Variants in MOB1B observed in about 807,000 individuals in gnomAD.
The protein encoded by MOB1B is MOB kinase activator 1B.
In MOB1B, 19 loss-of-function variants were observed where a neutral mutation model predicts 24.4. The observed-to-expected ratio is 0.78, with a 90% CI of 0.54 to 1.14. MOB1B has a LOEUF of 1.14. MOB1B is among the 50% of genes most tolerant of loss of function. The probability of loss-of-function intolerance (pLI) is 0.00; values close to 1 mark genes in which losing one functional copy is unlikely to be tolerated. For synonymous variants in MOB1B, 76 were observed against 82.1 expected (o/e 0.93, Z 0.40); for missense variants, 243 against 259.6 (o/e 0.94, Z 0.44).
At chr4:70,914,684 C>A (rs1425369927) in intron 1 of MOB1B, among the ~76,000 whole-genome samples, 1 of 152,202 alleles carries the variant, frequency 6.6e-6, no homozygotes, top group Admixed American at 6.5e-5. Context: ...TTCATTCTAG[C>A]CTTCTCCTTT....
intron 2 of MOB1B, among the ~76,000 whole-genome samples, chr4:70,965,952 A>G (rs569998677): frequency 1.3e-5 from 2 of 152,140 alleles, no homozygotes; most frequent in East Asian, 3.9e-4. Context: ...AATCTGAATA[A>G]TCTTATAACT....
intron 1 of MOB1B, chr4:70,942,678 G>C (rs1737398456): frequency 6.4e-6 from 1 of 156,400 alleles, no homozygotes; most frequent in South Asian, 2.0e-4. Context: ...GAAGCTCATA[G>C]ACATTTAAAG....
intron 1 of MOB1B, among the ~76,000 whole-genome samples, chr4:70,939,587 C>T (rs553152770): frequency 6.6e-6 from 1 of 152,320 alleles, no homozygotes; most frequent in East Asian, 1.9e-4. Context: ...GAGGCTGAGG[C>T]TGGGAGGATC....
Position 70,912,333 on chromosome 4 carries a change from G to A in MOB1B, c.14+9783G>A, listed in dbSNP as rs142949817. Reference sequence around the variant, plus strand: ...CTCACTCTGTCTCCCAGGCTGGAGTGCAGTGGTGCGATCTCTGCTCACTGC... The same window carrying A: ...CTCACTCTGTCTCCCAGGCTGGAGTACAGTGGTGCGATCTCTGCTCACTGC... On this transcript the variant is annotated intron_variant, in intron 1 of 5. Coordinates refer to ENST00000309395, the MANE Select transcript of MOB1B (RefSeq NM_173468.4). Among the ~76,000 whole-genome samples the A allele has an allele frequency of 7.5e-3, 1,131 of 150,774 alleles. 13 individuals are homozygous for A. Among genetic ancestry groups the A allele is most frequent in the African/African-American group, 0.027 (1,093 of 40,992 alleles).
At chr4:70,941,094 A>T (rs946073904) in intron 1 of MOB1B, among the ~76,000 whole-genome samples, 1 of 151,508 alleles carries the variant, frequency 6.6e-6, no homozygotes, top group South Asian at 2.1e-4. Flanking sequence ...CTCTTGCCAC[A>T]TGTACATTGT....
intron 1 of MOB1B, among the ~76,000 whole-genome samples, chr4:70,924,542 A>C (rs991590683): frequency 2.0e-5 from 3 of 152,082 alleles, no homozygotes; most frequent in African/African-American, 7.2e-5. Context: ...TGCAGTTTTG[A>C]TACATAGGTA....
chr4:70,970,941 G>A (rs1738727721), intron 3 of MOB1B, among the ~76,000 whole-genome samples: 1 of 152,224 alleles, frequency 6.6e-6, no homozygotes, highest in African/African-American at 2.4e-5. Context: ...AGCCCATGGA[G>A]ATGAGTATAG....
intron 1 of MOB1B, among the ~76,000 whole-genome samples, chr4:70,948,295 T>C (rs1351265711): frequency 6.6e-6 from 1 of 152,236 alleles, no homozygotes; most frequent in Non-Finnish European, 1.5e-5. Context: ...TTTTTCTTTG[T>C]GCCTTAAAAA....
intron 1 of MOB1B, among the ~76,000 whole-genome samples, chr4:70,943,584 A>G (rs1165631944): frequency 6.6e-6 from 1 of 152,242 alleles, no homozygotes; most frequent in African/African-American, 2.4e-5. Context: ...CATTTACTGC[A>G]TTAGAAGGTA....
chr4:70,955,672 T>C lies in MOB1B; in HGVS notation c.15-3202T>C, dbSNP rs1288949469. The stretch of plus-strand genomic sequence containing the variant: ...TTTTAGTAGAGACAGGGTTTCACCA[T>C]GTTGGCCAGACTGTTCTTGAACTCC... On this transcript the variant is annotated intron_variant, in intron 1 of 5. Transcript: ENST00000309395. 2.0e-5 allele frequency among the ~76,000 whole-genome samples: 3 copies of C among 151,880 alleles called. No individual in the cohort carries two copies. The East Asian group carries it at 5.8e-4, about 29-fold the overall frequency.
At chr4:70,936,336 C>G (rs1309603984) in intron 1 of MOB1B, among the ~76,000 whole-genome samples, 1 of 152,132 alleles carries the variant, frequency 6.6e-6, no homozygotes, top group Non-Finnish European at 1.5e-5. Flanking sequence ...TTTCTTTGAA[C>G]TGCATTTAAG....
At position 70,985,510 on chromosome 4, in the gene MOB1B, A is replaced by C. The variant is rs1007832396; in HGVS notation, c.*3453A>C. 2.6e-5 allele frequency: 4 copies of C among 151,820 alleles called. No homozygotes were observed. In the South Asian group the frequency reaches 8.3e-4, roughly 32 times the overall value. 9.4% of individuals were successfully genotyped at this position (151,820 alleles called of 1,614,324 possible). Reference sequence around the variant, plus strand: ...TGGCAGCTTAATATGACCTTTTTAAATTTTTTTTATTTTTTTTATTTTTAT... The same window carrying C: ...TGGCAGCTTAATATGACCTTTTTAACTTTTTTTTATTTTTTTTATTTTTAT... On this transcript the variant is annotated 3_prime_UTR_variant, in exon 6 of 6. Transcript: ENST00000309395.
At chr4:70,936,479 T>C (rs774310158) in intron 1 of MOB1B, among the ~76,000 whole-genome samples, 4 of 152,202 alleles carry the variant, frequency 2.6e-5, no homozygotes, top group Non-Finnish European at 4.4e-5. Flanking sequence ...AGCACTGGCA[T>C]CACAGGCATG....
intron 1 of MOB1B, among the ~76,000 whole-genome samples, chr4:70,941,845 A>G (rs2148885376): frequency 6.6e-6 from 1 of 152,308 alleles, no homozygotes; most frequent in South Asian, 2.1e-4. Flanking sequence ...TCATTATGGT[A>G]AAACTGGACC....
intron 2 of MOB1B, among the ~76,000 whole-genome samples, chr4:70,960,821 T>A (rs1738275011): frequency 6.6e-6 from 1 of 152,244 alleles, no homozygotes; most frequent in Admixed American, 6.5e-5. Context: ...TGCCTTTTTG[T>A]AAAATTTGAG....
intron 1 of MOB1B, among the ~76,000 whole-genome samples, chr4:70,937,703 A>C (rs577932779): frequency 6.6e-6 from 1 of 151,822 alleles, no homozygotes; most frequent in African/African-American, 2.4e-5. Flanking sequence ...AGTAAGGGGA[A>C]ATTTTTAGTA....
chr4:70,970,824 G>A (rs1738720917), intron 3 of MOB1B, among the ~76,000 whole-genome samples: 2 of 152,176 alleles, frequency 1.3e-5, no homozygotes, highest in Non-Finnish European at 2.9e-5. Context: ...GGAAAAATAT[G>A]GAGATACCAT....
chr4:70,902,356 C>T (rs1443865385), upstream of MOB1B: 6 of 694,682 alleles, frequency 8.6e-6, no homozygotes, highest in African/African-American at 5.3e-5. Flanking sequence ...CACTTCCGCC[C>T]CCTCCCCCTG....
intron 1 of MOB1B, among the ~76,000 whole-genome samples, chr4:70,933,420 G>C (rs1023983037): frequency 6.6e-6 from 1 of 151,732 alleles, no homozygotes; most frequent in Non-Finnish European, 1.5e-5. Context: ...TTTTGATTAA[G>C]CATTCAAACT....
Sources: allele counts gnomAD v4.1 joint callset (sites outside exome capture counted in the v4.1 genomes callset), GRCh38; gene constraint gnomAD v4.1.1; transcripts MANE v1.5; gene names NCBI Gene and HGNC (gene_info 2026-07-23, HGNC 2026-07-21).